The following ZNF385D variants were observed in gnomAD, a reference collection of about 807,000 sequenced individuals.
The protein encoded by ZNF385D is zinc finger protein 659.
ZNF385D carries 15 observed loss-of-function variants against 35.8 expected under a neutral mutation model. The ratio of observed to expected loss-of-function variants is 0.42; its 90% CI spans 0.28 to 0.64. The LOEUF is 0.64. Among genes scored for constraint, ZNF385D ranks in the 30% least tolerant of loss-of-function variants. The probability of loss-of-function intolerance (pLI) is 0.23; values close to 1 mark genes in which losing one functional copy is unlikely to be tolerated. For synonymous variants in ZNF385D, 212 were observed against 186.8 expected (o/e 1.13, Z -1.10); for missense variants, 474 against 494.6 (o/e 0.96, Z 0.39).
At chr3:22,146,227 T>C (rs889310694) in intron 3 of ZNF385D, among the ~76,000 whole-genome samples, 2 of 152,198 alleles carry the variant, frequency 1.3e-5, no homozygotes, top group Non-Finnish European at 2.9e-5. Flanking sequence ...CACCTCACAG[T>C]TCTACATTGT....
In ZNF385D at chr3:22,135,794, A is replaced by G. The variant is rs187323082; in HGVS notation, c.325+33023T>C. Reference sequence around the variant, plus strand: ...TAAAAAAGTATAGACACAGACCAATATAACAGAAGAGAGAGTCCAGAAATT... The same window carrying G: ...TAAAAAAGTATAGACACAGACCAATGTAACAGAAGAGAGAGTCCAGAAATT... On this transcript the variant is annotated intron_variant, in intron 3 of 5. Transcript: ENST00000494108. Among the ~76,000 whole-genome samples the G allele has an allele frequency of 2.8e-3, 420 of 152,344 alleles. 4 individuals carry two copies. Among genetic ancestry groups the G allele is most frequent in the Non-Finnish European group, 2.4e-3 (163 of 68,030 alleles).
intron 3 of ZNF385D, chr3:22,133,516 G>C (rs1227398749): frequency 6.6e-6 from 1 of 152,012 alleles, no homozygotes; most frequent in Non-Finnish European, 1.5e-5. Flanking sequence ...ATTAAAATAA[G>C]AATGATTAAA....
intron 2 of ZNF385D, among the ~76,000 whole-genome samples, chr3:22,229,883 A>G (rs1698782082): frequency 6.6e-6 from 1 of 151,684 alleles, no homozygotes; most frequent in African/African-American, 2.4e-5. Context: ...TCTCTGCCCA[A>G]CTCTCACTCT....
chr3:21,449,355 C>A (rs556892604), intron 4 of ZNF385D, among the ~76,000 whole-genome samples: 2 of 151,740 alleles, frequency 1.3e-5, no homozygotes, highest in Admixed American at 6.6e-5. Context: ...CCATTTCACT[C>A]GTTGGGATCT....
At chr3:22,276,486 G>C (rs73823510) in intron 2 of ZNF385D, among the ~76,000 whole-genome samples, 1 of 152,236 alleles carries the variant, frequency 6.6e-6, no homozygotes, top group African/African-American at 2.4e-5. Flanking sequence ...CAACTCTTTA[G>C]CCATAGAAGC....
At chr3:22,044,433 A>G in intron 3 of ZNF385D, among the ~76,000 whole-genome samples, 1 of 152,136 alleles carries the variant, frequency 6.6e-6, no homozygotes, top group Admixed American at 6.6e-5. Flanking sequence ...GAGTTCCTAG[A>G]GCAAGGCAAA....
At chr3:21,831,323 G>A (rs1694972795) in intron 3 of ZNF385D, among the ~76,000 whole-genome samples, 1 of 151,986 alleles carries the variant, frequency 6.6e-6, no homozygotes, top group Non-Finnish European at 1.5e-5. Context: ...ATGCTATGGT[G>A]GAAGAGAAAA....
chr3:22,198,752 A>G (rs997545567), intron 2 of ZNF385D, among the ~76,000 whole-genome samples: 3 of 152,228 alleles, frequency 2.0e-5, no homozygotes, highest in South Asian at 2.1e-4. Flanking sequence ...ATAAAATTAA[A>G]CAACTGAGTA....
At chr3:22,107,212 A>G (rs140276262) in intron 3 of ZNF385D, among the ~76,000 whole-genome samples, 2,727 of 151,740 alleles carry the variant, frequency 0.018, 97 homozygotes, top group African/African-American at 0.062. Context: ...TAATAGAGAC[A>G]GGGTTTCTCC....
At position 21,519,641 on chromosome 3, in the gene ZNF385D, C is replaced by T. The variant is rs78399970; in HGVS notation, c.277-8618G>A. ...CTAATCTAGCTAAAAGGAAGACAGG[C>T]TCTGCAAAATTTGCTCAGTCCTTTT... On this transcript the variant is annotated intron_variant, in intron 3 of 7. Transcript: ENST00000281523. Among the ~76,000 whole-genome samples the T allele has an allele frequency of 4.3e-3, 658 of 152,300 alleles. 3 individuals are homozygous for T. The highest frequency in any genetic ancestry group is 0.015 in the African/African-American group (618 of 41,570).
At chr3:21,479,100 G>T (rs561521238) in intron 4 of ZNF385D, among the ~76,000 whole-genome samples, 5 of 150,242 alleles carry the variant, frequency 3.3e-5, no homozygotes, top group African/African-American at 1.2e-4. Context: ...AAAACATAAA[G>T]TATAAAGTTA....
chr3:22,230,810 A>G (rs1698843835), intron 2 of ZNF385D, among the ~76,000 whole-genome samples: 1 of 152,214 alleles, frequency 6.6e-6, no homozygotes. Flanking sequence ...GTCATGAGTT[A>G]CAAGTATTGT....
chr3:21,437,226 A>G (rs780988626), intron 4 of ZNF385D, 23 bp from the exon 5 acceptor site: 1 of 1,585,920 alleles, frequency 6.3e-7, no homozygotes, highest in Non-Finnish European at 8.6e-7. Flanking sequence ...TAACACAGAA[A>G]AAAGGGGGAA....
chr3:21,810,175 A>T (rs1980142), intron 3 of ZNF385D, among the ~76,000 whole-genome samples: 69,712 of 151,902 alleles, frequency 0.46, 16,360 homozygotes, highest in Middle Eastern at 0.53. Flanking sequence ...TACAATGTAT[A>T]AAAAGAAAAA....
chr3:22,176,600 C>G (rs1326693874), intron 2 of ZNF385D, among the ~76,000 whole-genome samples: 1 of 152,158 alleles, frequency 6.6e-6, no homozygotes, highest in Non-Finnish European at 1.5e-5. Flanking sequence ...TATTTGCAGA[C>G]TCACCTACAA....
chr3:21,801,307 G>A (rs1024844822), intron 3 of ZNF385D, among the ~76,000 whole-genome samples: 2 of 152,004 alleles, frequency 1.3e-5, no homozygotes, highest in Non-Finnish European at 2.9e-5. Context: ...TCTTTATCTG[G>A]TTTTGATATC....
At chr3:21,706,040 T>C (rs372063367) in intron 1 of ZNF385D, among the ~76,000 whole-genome samples, 6 of 152,286 alleles carry the variant, frequency 3.9e-5, no homozygotes, top group African/African-American at 1.4e-4. Context: ...CGACAGAACA[T>C]CTGATGCACT....
At chr3:22,294,845 C>T (rs1240141755) in intron 2 of ZNF385D, among the ~76,000 whole-genome samples, 10 of 152,020 alleles carry the variant, frequency 6.6e-5, no homozygotes, top group African/African-American at 4.8e-5. Context: ...ATTGTAAAGC[C>T]TTAATCTGTT....
At chr3:22,129,892 T>A (rs1305185379) in intron 3 of ZNF385D, among the ~76,000 whole-genome samples, 2 of 152,094 alleles carry the variant, frequency 1.3e-5, no homozygotes, top group African/African-American at 4.8e-5. Flanking sequence ...GAGTCTCTTC[T>A]TATGGTCACC....
Sources: allele counts gnomAD v4.1 joint callset (sites outside exome capture counted in the v4.1 genomes callset), GRCh38; gene constraint gnomAD v4.1.1; transcripts MANE v1.5; gene names NCBI Gene and HGNC (gene_info 2026-07-23, HGNC 2026-07-21).